The following JAKMIP3 variants were observed in gnomAD, a reference collection of about 807,000 sequenced individuals.
JAKMIP3 encodes the protein janus kinase and microtubule-interacting protein 3.
JAKMIP3 carries 58 observed loss-of-function variants against 118.5 expected under a neutral mutation model. The ratio of observed to expected loss-of-function variants is 0.49; its 90% CI spans 0.40 to 0.61. JAKMIP3 has a LOEUF of 0.61. JAKMIP3 is among the 20% of genes least tolerant of loss of function. The probability of loss-of-function intolerance (pLI) is 0.00; values close to 1 mark genes in which losing one functional copy is unlikely to be tolerated. For missense variants in JAKMIP3, 950 were observed against 1,109.0 expected (o/e 0.86, Z 2.04); for synonymous variants, 486 against 451.2 (o/e 1.08, Z -0.98).
At chr10:132,053,831 G>C (rs551641971) in intron 1 of JAKMIP3, among the ~76,000 whole-genome samples, 1 of 151,956 alleles carries the variant, frequency 6.6e-6, no homozygotes, top group African/African-American at 2.4e-5. Flanking sequence ...TCAGGAGATC[G>C]AGACCATCCT....
chr10:132,158,101 G>GCCCCA (rs1404400612), intron 19 of JAKMIP3, among the ~76,000 whole-genome samples: 6 of 20,956 alleles, frequency 2.9e-4, no homozygotes, highest in African/African-American at 9.3e-4. Context: ...GCCCCGCCCC[G>GCCCCA]CCCCCGGCAG....
chr10:132,056,869 C>T (rs1373799617), intron 1 of JAKMIP3, among the ~76,000 whole-genome samples: 1 of 152,132 alleles, frequency 6.6e-6, no homozygotes, highest in African/African-American at 2.4e-5. Flanking sequence ...GAATACCAGG[C>T]ACTCGGGGGT....
chr10:132,065,416 G>T (rs2038639104), upstream of JAKMIP3, among the ~76,000 whole-genome samples: 1 of 135,652 alleles, frequency 7.4e-6, no homozygotes, highest in South Asian at 2.6e-4. The surrounding 1 kb of genome is among the most constrained non-coding windows in gnomAD (Gnocchi z 5.6). Context: ...ATTTAAAATA[G>T]ATACCCTCAG....
At chr10:132,080,743 C>T (rs967448241) in intron 1 of JAKMIP3, among the ~76,000 whole-genome samples, 2 of 151,848 alleles carry the variant, frequency 1.3e-5, no homozygotes, top group Non-Finnish European at 1.5e-5. Context: ...TGGTCTCGAA[C>T]TCCCAACCTC....
chr10:132,126,663 C>T (rs1443148595), intron 3 of JAKMIP3, among the ~76,000 whole-genome samples: 2 of 152,138 alleles, frequency 1.3e-5, no homozygotes, highest in South Asian at 2.1e-4. Flanking sequence ...AAAATTCCCT[C>T]GTATTCCTAC....
chr10:132,133,199 C>A, intron 3 of JAKMIP3, 113 bp from the exon 4 acceptor site: 1 of 911,362 alleles, frequency 1.1e-6, no homozygotes, highest in South Asian at 1.5e-5. Flanking sequence ...CAGGATGCTT[C>A]GCTTTTGCTT....
chr10:132,037,594 C>T (rs1396521444), intron 1 of JAKMIP3, among the ~76,000 whole-genome samples: 1 of 152,106 alleles, frequency 6.6e-6, no homozygotes, highest in Non-Finnish European at 1.5e-5. Flanking sequence ...GTCAAAAGAC[C>T]CCTGCTGGAT....
intron 23 of JAKMIP3, among the ~76,000 whole-genome samples, chr10:132,174,523 G>A (rs945496864): frequency 2.0e-5 from 3 of 152,152 alleles, no homozygotes; most frequent in African/African-American, 7.2e-5. Flanking sequence ...GGGGCTTGTT[G>A]AAGGACGTCA....
intron 19 of JAKMIP3, among the ~76,000 whole-genome samples, chr10:132,156,782 A>G (rs1436088844): frequency 6.6e-6 from 1 of 152,224 alleles, no homozygotes; most frequent in Non-Finnish European, 1.5e-5. Flanking sequence ...GGTGAAGAGG[A>G]AAAGAGCTAA....
At chr10:132,057,991 G>A (rs78301474) in intron 1 of JAKMIP3, among the ~76,000 whole-genome samples, 24 of 152,346 alleles carry the variant, frequency 1.6e-4, no homozygotes, top group African/African-American at 5.5e-4. Context: ...TCCTGGGGCT[G>A]GACGGGGCCA....
At chr10:132,082,772 G>A (rs995296521) in intron 1 of JAKMIP3, among the ~76,000 whole-genome samples, 2 of 151,984 alleles carry the variant, frequency 1.3e-5, no homozygotes, top group Non-Finnish European at 2.9e-5. Context: ...CACCATGCCC[G>A]GCTAATTTTT....
chr10:132,096,037 G>C (rs184210982), intron 1 of JAKMIP3, among the ~76,000 whole-genome samples: 27 of 152,210 alleles, frequency 1.8e-4, no homozygotes, highest in African/African-American at 5.3e-4. Flanking sequence ...TGTGGTCTTG[G>C]GGGGGTCTTC....
intron 1 of JAKMIP3, among the ~76,000 whole-genome samples, chr10:132,074,953 GT>G (rs1245997002): frequency 6.6e-6 from 1 of 152,140 alleles, no homozygotes; most frequent in African/African-American, 2.4e-5. Context: ...CCCAGTGCAT[GT>G]TTTTGTTGAC....
chr10:132,045,593 T>A (rs1461554476), intron 1 of JAKMIP3, among the ~76,000 whole-genome samples: 2 of 152,152 alleles, frequency 1.3e-5, no homozygotes, highest in East Asian at 1.9e-4. Flanking sequence ...CACTTGGAAG[T>A]GAATACAAAA....
intron 2 of JAKMIP3, among the ~76,000 whole-genome samples, chr10:132,111,167 A>G (rs2046802957): frequency 6.6e-6 from 1 of 152,198 alleles, no homozygotes; most frequent in Admixed American, 6.5e-5. Context: ...GAGGTGGGAG[A>G]CGCCATGGAA....
chr10:132,070,074 C>A (rs1226952847), intron 1 of JAKMIP3, among the ~76,000 whole-genome samples: 1 of 152,048 alleles, frequency 6.6e-6, no homozygotes, highest in African/African-American at 2.4e-5. Flanking sequence ...GGGCTTCGGG[C>A]ACCAACTCCC....
chr10:132,162,822 T>C (rs1590002637), intron 19 of JAKMIP3, among the ~76,000 whole-genome samples: 1 of 152,234 alleles, frequency 6.6e-6, no homozygotes, highest in Non-Finnish European at 1.5e-5. Flanking sequence ...TCGGGTTCCA[T>C]GGGTCTGTGA....
chr10:132,100,810 C>CCGTTCTCTCTG (rs2044755675), intron 1 of JAKMIP3, among the ~76,000 whole-genome samples: 1 of 125,580 alleles, frequency 8.0e-6, no homozygotes, highest in East Asian at 3.6e-4. Context: ...GCCGCGCTCC[C>CCGTTCTCTCTG]CATTCTCTCT....
intron 17 of JAKMIP3, 55 bp downstream of exon 17, chr10:132,153,078 C>G: frequency 7.1e-7 from 1 of 1,401,734 alleles, no homozygotes; most frequent in Non-Finnish European, 9.9e-7. Flanking sequence ...GGGTCTCCTG[C>G]CCTGCTCAGC....
Sources: gnomAD v4.1 joint callset for allele counts (sites outside exome capture counted in the v4.1 genomes callset) on GRCh38, gnomAD v4.1.1 for gene constraint, Gnocchi (gnomAD v3.1) non-coding constraint, MANE v1.5 for transcripts, NCBI Gene and HGNC (gene_info 2026-07-23, HGNC 2026-07-21) for gene names.